The following GPR83 variants were observed in gnomAD, a reference collection of about 807,000 sequenced individuals.
GPR83 encodes G protein-coupled receptor 83, also known as G-protein coupled receptor 72.
In GPR83, 23 loss-of-function variants were observed where a neutral mutation model predicts 28.0. That is an observed-to-expected ratio of 0.82 (90% confidence interval 0.59 to 1.16). GPR83 has a LOEUF of 1.16. GPR83 is among the 50% of genes most tolerant of loss of function. The probability of loss-of-function intolerance (pLI) is 0.00; values close to 1 mark genes in which losing one functional copy is unlikely to be tolerated. For missense variants in GPR83, 610 were observed against 536.6 expected (o/e 1.14, Z -1.35); for synonymous variants, 234 against 215.4 (o/e 1.09, Z -0.76).
intron 1 of GPR83, among the ~76,000 whole-genome samples, chr11:94,400,425 G>A (rs1028169901): frequency 4.6e-5 from 7 of 151,022 alleles, no homozygotes; most frequent in Non-Finnish European, 1.0e-4. Flanking sequence ...GAAGAGAGGA[G>A]AGGTGGGGAG....
intron 3 of GPR83, among the ~76,000 whole-genome samples, chr11:94,384,345 GA>G (rs1376719562): frequency 4.6e-5 from 7 of 152,142 alleles, no homozygotes; most frequent in African/African-American, 1.7e-4. Context: ...AAAGTAATAA[GA>G]ACTATTTATG....
At chr11:94,400,730 GAGGA>G in intron 1 of GPR83, 127 bp downstream of exon 1, 1 of 724,594 alleles carries the variant, frequency 1.4e-6, no homozygotes, top group South Asian at 1.8e-5. Context: ...GAGAAATGAG[GAGGA>G]AGAGAGATGT....
chr11:94,387,680 T>C (rs1233235012), intron 3 of GPR83, among the ~76,000 whole-genome samples: 1 of 152,168 alleles, frequency 6.6e-6, no homozygotes, highest in Non-Finnish European at 1.5e-5. Flanking sequence ...ATGGAGGCAA[T>C]AATTAATAGC....
chr11:94,391,249 G>A (rs1214271793), intron 3 of GPR83, among the ~76,000 whole-genome samples: 1 of 151,976 alleles, frequency 6.6e-6, no homozygotes, highest in Non-Finnish European at 1.5e-5. Flanking sequence ...AATAAATGTT[G>A]TTGGAAAAAC....
At chr11:94,383,950 AG>A (rs1426089148) in intron 3 of GPR83, among the ~76,000 whole-genome samples, 3 of 152,232 alleles carry the variant, frequency 2.0e-5, no homozygotes, top group African/African-American at 7.2e-5. Flanking sequence ...TCCAAACAAT[AG>A]AAAAAGAAGG....
At chr11:94,400,495 AAG>A (rs1271683670) in intron 1 of GPR83, among the ~76,000 whole-genome samples, 4 of 150,900 alleles carry the variant, frequency 2.7e-5, no homozygotes, top group Non-Finnish European at 4.4e-5. Flanking sequence ...CAAGAAGAAA[AAG>A]AGATAACAGG....
In GPR83 at chr11:94,392,685, G is replaced by C. The variant is rs1944828599; in HGVS notation, c.647+800C>G. On this transcript the variant is annotated intron_variant, in intron 3 of 3. Transcript: ENST00000243673. ...ACTAAAAATACAAAAAATTAGCTAG[G>C]CATGATGGTGCGTGCCTGTAATCCC... Among the ~76,000 whole-genome samples the C allele has an allele frequency of 2.0e-5, 3 of 152,030 alleles. No homozygotes were observed. The South Asian group carries it at 6.2e-4, about 32-fold the overall frequency.
chr11:94,393,903 T>C (rs977858046), intron 2 of GPR83, among the ~76,000 whole-genome samples: 1 of 152,158 alleles, frequency 6.6e-6, no homozygotes, highest in African/African-American at 2.4e-5. Context: ...GCACCCCTTA[T>C]GTTCATTATT....
At chr11:94,395,654 T>G (rs1944858819) in intron 2 of GPR83, among the ~76,000 whole-genome samples, 1 of 152,242 alleles carries the variant, frequency 6.6e-6, no homozygotes, top group Non-Finnish European at 1.5e-5. Flanking sequence ...TTTGATGTCC[T>G]GGTCAGTTCC....
In GPR83 at chr11:94,379,567, C is replaced by T. The variant is rs939640645; in HGVS notation, c.*582G>A. ...TTTTCTAAGTGGCAATAATAATTTC[C>T]CTTTGTTTTAAGGAACCCAAGTTGG... On this transcript the variant is annotated 3_prime_UTR_variant, in exon 4 of 4. Transcript: ENST00000243673. 9.2e-5 allele frequency: 14 copies of T among 151,958 alleles called. No homozygotes were observed. Among genetic ancestry groups the T allele is most frequent in the African/African-American group, 2.9e-4 (12 of 41,350 alleles). The allele number at this position is 151,958 out of a possible 1,614,324, so 9.4% of individuals were successfully genotyped here. A position where few individuals can be genotyped will look rare whatever the true frequency, so the allele number is the denominator to read the frequency against.
rs1418283033 is a variant in GPR83, at chr11:94,400,909, CA to C, written c.338del (p.Leu113ArgfsTer6). 1 of 1,614,100 alleles carries C rather than the reference CA, an allele frequency of 6.2e-7. No homozygotes were observed. The highest frequency in any genetic ancestry group is 2.2e-5 in the East Asian group (1 of 44,872). On this transcript the variant is annotated frameshift_variant, in exon 1 of 4. Coordinates refer to ENST00000243673, the MANE Select transcript of GPR83 (RefSeq NM_016540.4). LOFTEE classifies it high-confidence loss of function. ...GCGTGATCATTATGTCGGCAACTGC[CA>C]GGTTGACGATGAAGAGGCTGGTGGC... is the stretch of plus-strand genomic sequence containing the variant. ...HSATSLFIVN[L>X]AVADIMITLL...
Position 94,386,153 on chromosome 11 carries a change from G to C in GPR83, c.648-5380C>G, listed in dbSNP as rs140533668. Among the ~76,000 whole-genome samples, 254 of 152,262 alleles carry C rather than the reference G, an allele frequency of 1.7e-3. 1 individual carries two copies. The highest frequency in any genetic ancestry group is 5.7e-3 in the African/African-American group (237 of 41,554). The stretch of plus-strand genomic sequence containing the variant: ...CGTTACAGATAAGCAAATGCTGAGA[G>C]ACTCTGTCACCACCAGGCCTGCCCT... On this transcript the variant is annotated intron_variant, in intron 3 of 3. Transcript: ENST00000243673.
chr11:94,400,846 C>G lies in GPR83; in HGVS notation c.387+15G>C, dbSNP rs1944904200. 6.2e-7 allele frequency: 1 copy of G among 1,610,038 alleles called. No individual in the cohort carries two copies. The highest frequency in any genetic ancestry group is 1.7e-5 in the Admixed American group (1 of 59,888). ...CGAAGACAGAAGGTGGGGCGGCAGG[C>G]AGCGGGCCCCTTACCAAAGTGAAGG... On this transcript the variant is annotated intron_variant, in intron 1 of 3. Transcript: ENST00000243673.
rs1158882245 is a variant in GPR83, at chr11:94,396,640, C to A, written c.388-116G>T. ...GATTCCTCCAGCTCCTCCCTTCTTTCTGTCTATGATACTGAATTGTGGAGT... is the reference window on the plus strand; with the variant it reads ...GATTCCTCCAGCTCCTCCCTTCTTTATGTCTATGATACTGAATTGTGGAGT... On this transcript the variant is annotated intron_variant, in intron 1 of 3. Transcript: ENST00000243673. 1.0e-5 allele frequency: 10 copies of A among 975,240 alleles called. No individual in the cohort carries two copies. In the East Asian group the frequency reaches 2.2e-4, roughly 22 times the overall value. 60.4% of individuals were successfully genotyped at this position (975,240 alleles called of 1,614,324 possible).
chr11:94,399,777 T>A (rs1048214419), intron 1 of GPR83, among the ~76,000 whole-genome samples: 2 of 152,078 alleles, frequency 1.3e-5, no homozygotes, highest in Admixed American at 1.3e-4. Context: ...AATGAAAAAA[T>A]ATAACACACT....
intron 3 of GPR83, among the ~76,000 whole-genome samples, chr11:94,391,458 A>G (rs1160697640): frequency 6.6e-6 from 1 of 152,244 alleles, no homozygotes; most frequent in Non-Finnish European, 1.5e-5. Flanking sequence ...ACAAAAGCCT[A>G]AATAGACAAA....
intron 3 of GPR83, among the ~76,000 whole-genome samples, chr11:94,384,249 T>C (rs527615568): frequency 2.2e-4 from 33 of 152,266 alleles, no homozygotes; most frequent in Non-Finnish European, 4.1e-4. Flanking sequence ...ATTATCTCAA[T>C]AGATGTAGAA....
chr11:94,391,005 C>T (rs554727098), intron 3 of GPR83, among the ~76,000 whole-genome samples: 6 of 152,236 alleles, frequency 3.9e-5, no homozygotes, highest in African/African-American at 9.6e-5. Flanking sequence ...AAAAAGAGCC[C>T]GCATTGCCAA....
rs747990231 is a variant in GPR83, at chr11:94,381,386, G to A, written c.648-613C>T. On this transcript the variant is annotated intron_variant, in intron 3 of 3. Coordinates refer to ENST00000243673, the MANE Select transcript of GPR83 (RefSeq NM_016540.4). ...AACTTCCTTTGCTTTTTTTAGGGGG[G>A]AAAAAAAGTCCTCCGTGTGGAAAGG... 6.7e-4 allele frequency among the ~76,000 whole-genome samples: 102 copies of A among 151,792 alleles called. 1 individual carries two copies. The highest frequency in any genetic ancestry group is 1.2e-3 in the Non-Finnish European group (83 of 67,932).
Sources: allele counts gnomAD v4.1 joint callset (sites outside exome capture counted in the v4.1 genomes callset), GRCh38; gene constraint gnomAD v4.1.1; transcripts MANE v1.5; gene names NCBI Gene and HGNC (gene_info 2026-07-23, HGNC 2026-07-21).